Variants in LIN7A observed in about 807,000 individuals in gnomAD.
LIN7A encodes lin-7 cell polarity scaffold A.
In LIN7A, 25 loss-of-function variants were observed where a neutral mutation model predicts 29.8. That is an observed-to-expected ratio of 0.84 (90% confidence interval 0.61 to 1.17). LIN7A has a LOEUF of 1.17. LIN7A is among the 50% of genes most tolerant of loss of function. The pLI, the probability that LIN7A is intolerant of heterozygous loss-of-function variation, is 0.00. For missense variants in LIN7A, 239 were observed against 287.0 expected, an observed-to-expected ratio of 0.83 and a Z score of 1.21; for synonymous variants, 118 against 107.5, an observed-to-expected ratio of 1.10 and a Z score of -0.60.
intron 4 of LIN7A, among the ~76,000 whole-genome samples, chr12:80,824,359 A>G (rs993940241): frequency 5.9e-5 from 9 of 152,176 alleles, no homozygotes; most frequent in African/African-American, 1.9e-4. Context: ...GCAGTAAGAC[A>G]GAAATGGTAA....
intron 1 of LIN7A, chr12:80,937,438 A>G (rs989524483): frequency 1.6e-4 from 64 of 401,298 alleles, no homozygotes; most frequent in Non-Finnish European, 2.2e-4. Flanking sequence ...GGGCGAGTAC[A>G]GTGGGAAGGG....
chr12:80,923,334 C>T (rs1447035212), intron 1 of LIN7A, among the ~76,000 whole-genome samples: 2 of 152,056 alleles, frequency 1.3e-5, no homozygotes, highest in African/African-American at 2.4e-5. Context: ...TCTCAGCCTC[C>T]ATAATTGTGT....
At chr12:80,900,500 C>T (rs1268097609) in intron 1 of LIN7A, among the ~76,000 whole-genome samples, 1 of 152,182 alleles carries the variant, frequency 6.6e-6, no homozygotes, top group African/African-American at 2.4e-5. Flanking sequence ...TTCTTGATTT[C>T]TGCCTTAATT....
intron 4 of LIN7A, among the ~76,000 whole-genome samples, chr12:80,816,592 G>A (rs1270148302): frequency 1.3e-5 from 2 of 151,952 alleles, no homozygotes; most frequent in African/African-American, 2.4e-5. Flanking sequence ...TAACATTGAT[G>A]TACAAAGAAA....
intron 2 of LIN7A, among the ~76,000 whole-genome samples, chr12:80,871,741 C>T (rs937507724): frequency 6.6e-6 from 1 of 151,790 alleles, no homozygotes; most frequent in African/African-American, 2.4e-5. Flanking sequence ...TGTAAAGCAA[C>T]TTTCACAACT....
At chr12:80,833,996 G>T (rs1241112296) in intron 4 of LIN7A, among the ~76,000 whole-genome samples, 1 of 152,052 alleles carries the variant, frequency 6.6e-6, no homozygotes, top group African/African-American at 2.4e-5. Flanking sequence ...CCCTAAAATA[G>T]TCAAATTTAA....
intron 4 of LIN7A, among the ~76,000 whole-genome samples, chr12:80,821,677 AG>A (rs1394456959): frequency 7.9e-5 from 12 of 152,148 alleles, no homozygotes; most frequent in Non-Finnish European, 1.8e-4. Flanking sequence ...GGCTTTAGGG[AG>A]CCAGTGGGAG....
chr12:80,889,464 A>G, intron 1 of LIN7A, 95 bp from the exon 2 acceptor site: 1 of 774,312 alleles, frequency 1.3e-6, no homozygotes, highest in Non-Finnish European at 2.2e-6. Flanking sequence ...GACATTGAAA[A>G]GCAAGTGGAC....
At chr12:80,820,407 G>A (rs537441832) in intron 4 of LIN7A, among the ~76,000 whole-genome samples, 9 of 152,198 alleles carry the variant, frequency 5.9e-5, no homozygotes, top group African/African-American at 1.7e-4. Flanking sequence ...AACTGAAAAC[G>A]AGCAAAAAAG....
At chr12:80,813,621 A>G (rs1237880157) in intron 4 of LIN7A, among the ~76,000 whole-genome samples, 1 of 152,200 alleles carries the variant, frequency 6.6e-6, no homozygotes, top group Non-Finnish European at 1.5e-5. Context: ...GGCGTAGACA[A>G]TACTTGGAGA....
chr12:80,853,249 A>C (rs1049415954), intron 2 of LIN7A, among the ~76,000 whole-genome samples: 7 of 152,136 alleles, frequency 4.6e-5, no homozygotes, highest in Non-Finnish European at 8.8e-5. Context: ...CCAATTCTGA[A>C]ACTTATAATT....
At chr12:80,799,867 C>A (rs1214490134) in intron 5 of LIN7A, among the ~76,000 whole-genome samples, 1 of 151,872 alleles carries the variant, frequency 6.6e-6, no homozygotes. Context: ...TCAATAAAAA[C>A]CAAGCACTGT....
At chr12:80,829,357 GT>G in intron 4 of LIN7A, among the ~76,000 whole-genome samples, 1 of 152,206 alleles carries the variant, frequency 6.6e-6, no homozygotes, top group South Asian at 2.1e-4. Context: ...TGACTGAATG[GT>G]TTTTCTCCCG....
At chr12:80,931,117 C>G (rs1877876570) in intron 1 of LIN7A, among the ~76,000 whole-genome samples, 1 of 152,140 alleles carries the variant, frequency 6.6e-6, no homozygotes, top group Admixed American at 6.5e-5. Flanking sequence ...TGATAGTACT[C>G]CCTAGATGTT....
intron 1 of LIN7A, among the ~76,000 whole-genome samples, chr12:80,923,363 A>T (rs183316576): frequency 1.1e-3 from 162 of 152,010 alleles, no homozygotes; most frequent in African/African-American, 3.7e-3. Context: ...TCCTCTGATA[A>T]ATCCTCTCTC....
intron 2 of LIN7A, among the ~76,000 whole-genome samples, chr12:80,883,850 C>T (rs1226649374): frequency 6.6e-6 from 1 of 152,218 alleles, no homozygotes; most frequent in East Asian, 1.9e-4. Flanking sequence ...TCTGATCTGA[C>T]AGAATGTCTC....
intron 2 of LIN7A, among the ~76,000 whole-genome samples, chr12:80,877,892 T>A (rs1017437131): frequency 6.6e-6 from 1 of 151,602 alleles, no homozygotes; most frequent in Non-Finnish European, 1.5e-5. Flanking sequence ...ACAGTTGTCA[T>A]CCGTGGTGCC....
At chr12:80,828,252 T>C (rs1166261756) in intron 4 of LIN7A, among the ~76,000 whole-genome samples, 1 of 152,128 alleles carries the variant, frequency 6.6e-6, no homozygotes, top group Non-Finnish European at 1.5e-5. Context: ...AAATAGTTAC[T>C]CATATACATA....
intron 1 of LIN7A, among the ~76,000 whole-genome samples, chr12:80,921,877 T>C (rs960545357): frequency 6.6e-6 from 1 of 152,222 alleles, no homozygotes; most frequent in African/African-American, 2.4e-5. Context: ...TCCAGAGGCA[T>C]GTATCTGTCA....
Sources: gnomAD v4.1 joint callset for allele counts (sites outside exome capture counted in the v4.1 genomes callset) on GRCh38, gnomAD v4.1.1 for gene constraint, MANE v1.5 for transcripts, NCBI Gene and HGNC (gene_info 2026-07-23, HGNC 2026-07-21) for gene names.